The following CLASP2 variants were observed in gnomAD, a reference collection of about 807,000 sequenced individuals.
CLASP2 encodes the protein cytoplasmic linker associated protein 2.
Under a neutral mutation model 194.4 loss-of-function variants are expected in CLASP2, and 47 were observed. The ratio of observed to expected loss-of-function variants is 0.24; its 90% CI spans 0.19 to 0.31. CLASP2 has a LOEUF of 0.31. Ranked by LOEUF, CLASP2 falls within the 10% of genes least tolerant of loss-of-function variation. The pLI is 1.00. For missense variants in CLASP2, 1,445 were observed against 1,823.6 expected, an observed-to-expected ratio of 0.79 and a Z score of 3.78; for synonymous variants, 619 against 633.5, an observed-to-expected ratio of 0.98 and a Z score of 0.34.
chr3:33,519,874 T>C (rs2052483049), intron 34 of CLASP2, among the ~76,000 whole-genome samples: 1 of 152,220 alleles, frequency 6.6e-6, no homozygotes, highest in African/African-American at 2.4e-5. Context: ...AGATTTCAGT[T>C]ATAGTTTCCA....
chr3:33,522,545 A>G (rs1342876200), intron 34 of CLASP2, among the ~76,000 whole-genome samples: 1 of 152,218 alleles, frequency 6.6e-6, no homozygotes, highest in Admixed American at 6.5e-5. Flanking sequence ...AATACAGCAT[A>G]CTCAGAGAAA....
At chr3:33,523,536 CTG>C (rs909571586) in intron 34 of CLASP2, among the ~76,000 whole-genome samples, 7 of 152,258 alleles carry the variant, frequency 4.6e-5, no homozygotes, top group South Asian at 2.1e-4. Context: ...AAGAAAAAAA[CTG>C]TTAACCAAGA....
chr3:33,584,364 C>T (rs557717955), intron 22 of CLASP2, among the ~76,000 whole-genome samples: 269 of 150,726 alleles, frequency 1.8e-3, no homozygotes, highest in Non-Finnish European at 3.3e-3. Context: ...AGCCTCCACC[C>T]CAGGTTCAAA....
At chr3:33,541,527 T>A (rs999233714) in intron 32 of CLASP2, among the ~76,000 whole-genome samples, 6 of 152,310 alleles carry the variant, frequency 3.9e-5, no homozygotes, top group Admixed American at 1.3e-4. Flanking sequence ...TTTGTTCCCC[T>A]CTATGTGTTC....
At chr3:33,526,534 A>G (rs1354867523) in intron 34 of CLASP2, among the ~76,000 whole-genome samples, 2 of 152,200 alleles carry the variant, frequency 1.3e-5, no homozygotes, top group African/African-American at 4.8e-5. Context: ...TAACAGCAGG[A>G]GACTTCAACA....
chr3:33,672,933 G>A (rs1385672889), intron 6 of CLASP2, among the ~76,000 whole-genome samples: 1 of 152,200 alleles, frequency 6.6e-6, no homozygotes, highest in East Asian at 1.9e-4. Context: ...CAAGAAATAT[G>A]GGACTATGTG....
intron 7 of CLASP2, among the ~76,000 whole-genome samples, chr3:33,657,018 C>T (rs533173590): frequency 1.3e-5 from 2 of 151,966 alleles, no homozygotes; most frequent in East Asian, 3.8e-4. Context: ...CACCTGGGCT[C>T]GGGGCTTGAA....
chr3:33,708,522 ATG>A (rs2092826825), intron 1 of CLASP2, among the ~76,000 whole-genome samples: 3 of 113,916 alleles, frequency 2.6e-5, no homozygotes, highest in African/African-American at 3.6e-5. Flanking sequence ...ATATGTATAT[ATG>A]TATATATATA....
At chr3:33,525,463 A>T (rs2054268978) in intron 34 of CLASP2, among the ~76,000 whole-genome samples, 1 of 152,038 alleles carries the variant, frequency 6.6e-6, no homozygotes, top group South Asian at 2.1e-4. Context: ...ACCCACAGAG[A>T]ACAAAGAAAA....
At chr3:33,549,202 G>C (rs193112409) in intron 30 of CLASP2, among the ~76,000 whole-genome samples, 1 of 152,106 alleles carries the variant, frequency 6.6e-6, no homozygotes, top group African/African-American at 2.4e-5. Flanking sequence ...GGTTTCACTG[G>C]TTTTCCCAGT....
chr3:33,603,165 T>C, intron 17 of CLASP2, 40 bp from the exon 18 acceptor site: 1 of 1,491,226 alleles, frequency 6.7e-7, no homozygotes. Flanking sequence ...ATCATTTAAA[T>C]CACTGAAAAC....
intron 7 of CLASP2, among the ~76,000 whole-genome samples, chr3:33,649,131 T>C (rs1472243772): frequency 6.6e-6 from 1 of 152,220 alleles, no homozygotes; most frequent in Non-Finnish European, 1.5e-5. Context: ...CCTTGCTTCT[T>C]CTGCCTAGAA....
At chr3:33,700,737 C>G (rs1393904572) in intron 1 of CLASP2, among the ~76,000 whole-genome samples, 1 of 152,066 alleles carries the variant, frequency 6.6e-6, no homozygotes, top group East Asian at 1.9e-4. Flanking sequence ...GTAATCCCAG[C>G]TACTCGGGAG....
intron 16 of CLASP2, 134 bp from the exon 17 acceptor site, chr3:33,604,343 A>G: frequency 1.5e-6 from 1 of 645,548 alleles, no homozygotes; most frequent in Non-Finnish European, 2.7e-6. Flanking sequence ...TTTGAGACAG[A>G]GTCTTGCTGT....
intron 10 of CLASP2, among the ~76,000 whole-genome samples, 175 bp downstream of exon 10, chr3:33,626,813 G>A (rs1012319622): frequency 2.1e-5 from 3 of 143,830 alleles, no homozygotes; most frequent in Non-Finnish European, 4.4e-5. Context: ...AATAAAAATC[G>A]ATCCTAAATC....
intron 34 of CLASP2, among the ~76,000 whole-genome samples, chr3:33,522,256 C>T (rs1389870383): frequency 6.6e-6 from 1 of 152,114 alleles, no homozygotes; most frequent in East Asian, 1.9e-4. Flanking sequence ...TATTCAAAAA[C>T]AACTGCATAC....
chr3:33,585,885 T>A (rs546307214), intron 21 of CLASP2, among the ~76,000 whole-genome samples: 2 of 152,212 alleles, frequency 1.3e-5, no homozygotes, highest in African/African-American at 2.4e-5. Flanking sequence ...TTTAAAATAG[T>A]TTGCCTGCTG....
At chr3:33,641,135 C>A (rs750865942) in intron 8 of CLASP2, among the ~76,000 whole-genome samples, 3 of 151,692 alleles carry the variant, frequency 2.0e-5, no homozygotes, top group Non-Finnish European at 4.4e-5. Context: ...TATATACATT[C>A]TTTCATTTAA....
chr3:33,675,044 T>G (rs1318178495), intron 6 of CLASP2, among the ~76,000 whole-genome samples: 3 of 152,048 alleles, frequency 2.0e-5, no homozygotes, highest in Admixed American at 2.0e-4. Context: ...CTGAAACTAT[T>G]CCAATCAATA....
Sources: allele counts gnomAD v4.1 joint callset (sites outside exome capture counted in the v4.1 genomes callset), GRCh38; gene constraint gnomAD v4.1.1; transcripts MANE v1.5; gene names NCBI Gene and HGNC (gene_info 2026-07-23, HGNC 2026-07-21).